Variants in ROBO1 observed in about 807,000 individuals in gnomAD.
ROBO1 encodes roundabout homolog 1.
ROBO1 carries 149 observed loss-of-function variants against 195.9 expected under a neutral mutation model. The ratio of observed to expected loss-of-function variants is 0.76; its 90% confidence interval spans 0.67 to 0.87. The LOEUF (loss-of-function observed/expected upper bound fraction) is 0.87, where lower values mean the gene tolerates loss of function less well. Ranked by LOEUF, ROBO1 falls within the 40% of genes least tolerant of loss-of-function variation. The probability of loss-of-function intolerance (pLI) is 0.00; values close to 1 mark genes in which losing one functional copy is unlikely to be tolerated. For missense variants in ROBO1, 1,933 were observed against 2,068.3 expected, an observed-to-expected ratio of 0.93 and a Z score of 1.27; for synonymous variants, 816 against 733.2, an observed-to-expected ratio of 1.11 and a Z score of -1.82.
chr3:79,633,937 G>C (rs992420845), intron 1 of ROBO1, among the ~76,000 whole-genome samples: 1 of 152,044 alleles, frequency 6.6e-6, no homozygotes, highest in African/African-American at 2.4e-5. Context: ...AGACACAGGA[G>C]CTTCTTTGTT....
Position 79,519,767 on chromosome 3 carries a change from G to A in ROBO1, c.88+70057C>T, listed in dbSNP as rs115620266. Reference sequence around the variant, plus strand: ...CCAGAATAGTGGGTCTGATGTCTTCGCAAAATTAGATGCATTATCACTTTC... The same window carrying A: ...CCAGAATAGTGGGTCTGATGTCTTCACAAAATTAGATGCATTATCACTTTC... On this transcript the variant is annotated intron_variant, in intron 2 of 30. Coordinates refer to ENST00000464233, the MANE Select transcript of ROBO1 (RefSeq NM_002941.4). Among the ~76,000 whole-genome samples, 1,180 of 151,910 alleles carry A rather than the reference G, an allele frequency of 7.8e-3. 16 individuals carry two copies. Among genetic ancestry groups the A allele is most frequent in the African/African-American group, 0.027 (1,135 of 41,406 alleles).
At chr3:78,686,152 T>C (rs941987651) in intron 9 of ROBO1, among the ~76,000 whole-genome samples, 1 of 152,142 alleles carries the variant, frequency 6.6e-6, no homozygotes, top group African/African-American at 2.4e-5. Context: ...CATATACATA[T>C]ACAAGGTTTA....
chr3:79,740,906 G>C (rs958975558), intron 1 of ROBO1, among the ~76,000 whole-genome samples: 11 of 152,142 alleles, frequency 7.2e-5, no homozygotes, highest in African/African-American at 2.4e-4. Context: ...ATAATTGCTA[G>C]ATAGATATGA....
intron 19 of ROBO1, among the ~76,000 whole-genome samples, chr3:78,650,884 A>G (rs1706604539): frequency 6.6e-6 from 1 of 152,160 alleles, no homozygotes; most frequent in South Asian, 2.1e-4. Context: ...GGGACTTACA[A>G]CCATCTAACC....
intron 3 of ROBO1, among the ~76,000 whole-genome samples, chr3:79,125,163 TATC>T (rs1490740624): frequency 2.0e-5 from 3 of 152,108 alleles, no homozygotes; most frequent in East Asian, 3.9e-4. Context: ...TCTAAGAAAA[TATC>T]ATTCTAAAAA....
At chr3:79,467,301 AG>A (rs1938014658) in intron 2 of ROBO1, among the ~76,000 whole-genome samples, 1 of 151,990 alleles carries the variant, frequency 6.6e-6, no homozygotes, top group African/African-American at 2.4e-5. Context: ...AATACTGATT[AG>A]AAGAGGGCGG....
intron 3 of ROBO1, among the ~76,000 whole-genome samples, chr3:79,095,817 C>T (rs766263251): frequency 6.6e-6 from 1 of 151,808 alleles, no homozygotes; most frequent in Non-Finnish European, 1.5e-5. Flanking sequence ...CCAAAAATAC[C>T]ACATTTTTTC....
chr3:78,910,566 T>C (rs1438824333), intron 4 of ROBO1, among the ~76,000 whole-genome samples: 3 of 151,862 alleles, frequency 2.0e-5, no homozygotes, highest in African/African-American at 7.2e-5. Context: ...AGGGCAATCT[T>C]GTAGAAAACT....
chr3:79,729,956 C>T (rs1002174252), intron 1 of ROBO1, among the ~76,000 whole-genome samples: 1 of 152,194 alleles, frequency 6.6e-6, no homozygotes, highest in Non-Finnish European at 1.5e-5. Flanking sequence ...TGTGAAAGAT[C>T]TTGCCAACCA....
At chr3:78,664,444 A>G (rs1707618016) in intron 14 of ROBO1, among the ~76,000 whole-genome samples, 1 of 152,198 alleles carries the variant, frequency 6.6e-6, no homozygotes, top group African/African-American at 2.4e-5. Flanking sequence ...ATAGTAACTA[A>G]CAATGGTAAC....
intron 2 of ROBO1, among the ~76,000 whole-genome samples, chr3:79,526,762 T>C (rs1224552034): frequency 6.6e-6 from 1 of 152,182 alleles, no homozygotes; most frequent in African/African-American, 2.4e-5. Flanking sequence ...AGGGCTTTAA[T>C]TTGTAAAGCA....
intron 4 of ROBO1, among the ~76,000 whole-genome samples, chr3:78,875,324 A>T (rs530977505): frequency 9.9e-5 from 15 of 152,154 alleles, no homozygotes; most frequent in African/African-American, 3.1e-4. Context: ...AGCAATTGTG[A>T]TAAAAATCAA....
At chr3:79,340,858 T>G (rs576022069) in intron 2 of ROBO1, among the ~76,000 whole-genome samples, 67 of 152,306 alleles carry the variant, frequency 4.4e-4, no homozygotes, top group Middle Eastern at 3.4e-3. Context: ...GAACCTGGTA[T>G]TTCTGGATTC....
chr3:79,307,270 T>C lies in ROBO1; in HGVS notation c.89-181731A>G, dbSNP rs369662088. On this transcript the variant is annotated intron_variant, in intron 2 of 30. Transcript: ENST00000464233. Reference sequence around the variant, plus strand: ...CCTCTGAGATGTCCAGTTCAAACTATAGACATTATCCATTTACAGGCTTTT... The same window carrying C: ...CCTCTGAGATGTCCAGTTCAAACTACAGACATTATCCATTTACAGGCTTTT... Among the ~76,000 whole-genome samples the C allele has an allele frequency of 7.0e-4, 107 of 152,246 alleles. No individual in the cohort carries two copies. In the South Asian group the frequency reaches 0.012, roughly 17 times the overall value.
chr3:79,099,028 T>C (rs2079624683), intron 3 of ROBO1, among the ~76,000 whole-genome samples: 1 of 151,768 alleles, frequency 6.6e-6, no homozygotes, highest in South Asian at 2.1e-4. Context: ...CCTTATAGTA[T>C]GTGACTAATT....
At chr3:78,630,307 A>G (rs193212975) in intron 25 of ROBO1, among the ~76,000 whole-genome samples, 5 of 152,336 alleles carry the variant, frequency 3.3e-5, no homozygotes, top group Non-Finnish European at 5.9e-5. Context: ...TTTAAAACAC[A>G]TAAATATTGT....
chr3:78,821,847 C>T (rs1263643080), intron 4 of ROBO1, among the ~76,000 whole-genome samples: 1 of 152,078 alleles, frequency 6.6e-6, no homozygotes, highest in Non-Finnish European at 1.5e-5. Context: ...ATTCTTTGCT[C>T]CAGAAGCAGA....
intron 1 of ROBO1, among the ~76,000 whole-genome samples, chr3:79,593,906 T>C (rs541348810): frequency 6.6e-6 from 1 of 152,118 alleles, no homozygotes; most frequent in South Asian, 2.1e-4. Context: ...TATGAGCCAC[T>C]GCACCTGGCC....
chr3:79,617,196 A>T (rs889514824), intron 1 of ROBO1, among the ~76,000 whole-genome samples: 12 of 152,120 alleles, frequency 7.9e-5, no homozygotes, highest in Admixed American at 4.6e-4. Context: ...CAACCATCCC[A>T]GTCATAGTAT....
Sources: gnomAD v4.1 joint callset for allele counts (sites outside exome capture counted in the v4.1 genomes callset) on GRCh38, gnomAD v4.1.1 for gene constraint, MANE v1.5 for transcripts, NCBI Gene and HGNC (gene_info 2026-07-23, HGNC 2026-07-21) for gene names.